Variants in ARMC2 observed in about 807,000 individuals in gnomAD.
ARMC2 encodes armadillo repeat-containing protein 2.
Under a neutral mutation model 90.3 loss-of-function variants are expected in ARMC2, and 67 were observed. The ratio of observed to expected loss-of-function variants is 0.74; its 90% CI spans 0.61 to 0.91. The LOEUF is 0.91. Among genes scored for constraint, ARMC2 ranks in the 40% least tolerant of loss-of-function variants. The pLI is 0.00. For synonymous variants in ARMC2, 393 were observed against 393.0 expected, an observed-to-expected ratio of 1.00 and a Z score of 0.00; for missense variants, 920 against 1,030.9, an observed-to-expected ratio of 0.89 and a Z score of 1.47.
chr6:108,929,693 G>A (rs919588175), intron 11 of ARMC2, among the ~76,000 whole-genome samples: 15 of 152,060 alleles, frequency 9.9e-5, no homozygotes, highest in African/African-American at 3.4e-4. Context: ...ATGTTGCCCC[G>A]GCTGGTCTCA....
intron 11 of ARMC2, among the ~76,000 whole-genome samples, chr6:108,929,154 C>A (rs1162927900): frequency 1.3e-5 from 2 of 151,996 alleles, no homozygotes; most frequent in East Asian, 1.9e-4. Flanking sequence ...CAGATCTGAT[C>A]TTTTTATACT....
chr6:109,011,623 ATTT>A, the ARMC2 span, among the ~76,000 whole-genome samples: 1 of 148,936 alleles, frequency 6.7e-6, no homozygotes, highest in South Asian at 2.1e-4. Flanking sequence ...TATTTTTAAA[ATTT>A]TTTTTCTTTT....
chr6:108,946,617 G>A (rs1378173072), intron 12 of ARMC2, among the ~76,000 whole-genome samples: 1 of 152,172 alleles, frequency 6.6e-6, no homozygotes, highest in East Asian at 1.9e-4. Flanking sequence ...CAGCTCTCAG[G>A]CACGAGAAGT....
chr6:108,911,781 C>T (rs1318551367), intron 9 of ARMC2, among the ~76,000 whole-genome samples: 4 of 152,088 alleles, frequency 2.6e-5, no homozygotes, highest in East Asian at 1.9e-4. Flanking sequence ...GCATTATTAA[C>T]GTTATTGGAT....
chr6:108,854,213 A>G lies in ARMC2; in HGVS notation c.-43-12A>G, dbSNP rs1196153526. 4.5e-6 allele frequency: 6 copies of G among 1,346,694 alleles called. No individual in the cohort carries two copies. The highest frequency in any genetic ancestry group is 4.1e-6 in the Non-Finnish European group (4 of 967,004). The allele number at this position is 1,346,694 out of a possible 1,614,324, so 83.4% of individuals were successfully genotyped here. ...CAAAAATAATGATGGTTTTTGTACC[A>G]TGTATTTGCAGGGTGTGGTGTCTAT... On this transcript the variant is annotated splice_polypyrimidine_tract_variant and intron_variant, in intron 1 of 17. Transcript: ENST00000392644.
chr6:108,982,812 CT>C, the ARMC2 span, among the ~76,000 whole-genome samples: 1,620 of 127,216 alleles, frequency 0.013, 7 homozygotes, highest in South Asian at 0.028. Flanking sequence ...TTGGACTTTT[CT>C]TTTTTTTTTT....
chr6:109,032,106 C>T, the ARMC2 span, among the ~76,000 whole-genome samples: 1 of 152,152 alleles, frequency 6.6e-6, no homozygotes, highest in Non-Finnish European at 1.5e-5. Context: ...CCCACCTCTA[C>T]TAAAAATACA....
the ARMC2 span, among the ~76,000 whole-genome samples, chr6:109,034,680 G>A: frequency 6.6e-6 from 1 of 152,222 alleles, no homozygotes; most frequent in African/African-American, 2.4e-5. Flanking sequence ...AAAAGGGAAT[G>A]GGAGTGTGCA....
intron 3 of ARMC2, among the ~76,000 whole-genome samples, chr6:108,861,530 A>G (rs997657137): frequency 6.6e-5 from 10 of 152,256 alleles, no homozygotes; most frequent in African/African-American, 2.4e-4. Flanking sequence ...AATGTATCTT[A>G]TATTTTTAAA....
At chr6:108,865,795 AG>A (rs1214965758) in intron 3 of ARMC2, among the ~76,000 whole-genome samples, 1 of 151,966 alleles carries the variant, frequency 6.6e-6, no homozygotes, top group African/African-American at 2.4e-5. Flanking sequence ...AAGGCAGGAG[AG>A]CTTTTGAGCT....
At chr6:108,944,279 A>G (rs1776649730) in intron 12 of ARMC2, among the ~76,000 whole-genome samples, 1 of 152,260 alleles carries the variant, frequency 6.6e-6, no homozygotes. Context: ...GGTAAGAACC[A>G]CTGGCCCTTT....
chr6:108,882,488 T>C (rs772076530), intron 5 of ARMC2, among the ~76,000 whole-genome samples: 1 of 149,798 alleles, frequency 6.7e-6, no homozygotes, highest in Non-Finnish European at 1.5e-5. Flanking sequence ...TATAAGAATT[T>C]AAATGAGAGA....
At chr6:108,863,133 T>TTTTG (rs761571478) in intron 3 of ARMC2, among the ~76,000 whole-genome samples, 3 of 151,848 alleles carry the variant, frequency 2.0e-5, no homozygotes, top group Admixed American at 6.6e-5. Flanking sequence ...ATTTGTAGGG[T>TTTTG]TTTGTTTGTT....
intron 13 of ARMC2, among the ~76,000 whole-genome samples, chr6:108,958,775 A>G (rs1029538835): frequency 6.6e-6 from 1 of 152,244 alleles, no homozygotes; most frequent in African/African-American, 2.4e-5. Context: ...ACTATGTGCC[A>G]TGCACTCATT....
chr6:109,043,553 G>C, the ARMC2 span, among the ~76,000 whole-genome samples: 1 of 152,124 alleles, frequency 6.6e-6, no homozygotes, highest in East Asian at 1.9e-4. Flanking sequence ...ATATACAAGA[G>C]TGAATTGCTT....
Position 108,893,510 on chromosome 6 carries a change from C to T in ARMC2, c.672-957C>T, listed in dbSNP as rs150656106. On this transcript the variant is annotated intron_variant, in intron 5 of 17. Transcript: ENST00000392644. The stretch of plus-strand genomic sequence containing the variant: ...AAAGAGACAGAGGTCTTTCCCAGCT[C>T]CCAAAGGCTAAGCTTTTGTAATCCA... Among the ~76,000 whole-genome samples the T allele has an allele frequency of 4.2e-3, 633 of 152,236 alleles. 3 individuals are homozygous for T. Among genetic ancestry groups the T allele is most frequent in the African/African-American group, 0.014 (593 of 41,544 alleles).
At chr6:108,967,115 C>T (rs1778426749) in intron 17 of ARMC2, among the ~76,000 whole-genome samples, 1 of 152,162 alleles carries the variant, frequency 6.6e-6, no homozygotes, top group Non-Finnish European at 1.5e-5. Context: ...AATTCTCTCC[C>T]CACTTACTCT....
the ARMC2 span, chr6:108,994,479 A>G: frequency 1.9e-6 from 3 of 1,612,626 alleles, no homozygotes; most frequent in South Asian, 1.1e-5. Context: ...GAAGACAAAC[A>G]TACTCTCTCT....
intron 10 of ARMC2, among the ~76,000 whole-genome samples, chr6:108,925,146 C>G (rs1774986646): frequency 6.6e-6 from 1 of 152,140 alleles, no homozygotes; most frequent in Admixed American, 6.5e-5. Flanking sequence ...AGCGACTGAT[C>G]GGCCTCTGAA....
Sources: allele counts gnomAD v4.1 joint callset (sites outside exome capture counted in the v4.1 genomes callset), GRCh38; gene constraint gnomAD v4.1.1; transcripts MANE v1.5; gene names NCBI Gene and HGNC (gene_info 2026-07-23, HGNC 2026-07-21).